The following FAM193A variants were observed in gnomAD, a reference collection of about 807,000 sequenced individuals.
FAM193A encodes the protein family with sequence similarity 193 member A.
FAM193A carries 22 observed loss-of-function variants against 126.5 expected under a neutral mutation model. The observed-to-expected ratio is 0.17, with a 90% CI of 0.12 to 0.25. The LOEUF (loss-of-function observed/expected upper bound fraction) is 0.25. Among genes scored for constraint, FAM193A ranks in the 10% least tolerant of loss-of-function variants. FAM193A has a pLI of 1.00. For missense variants in FAM193A, 1,675 were observed against 1,672.8 expected (o/e 1.00, Z -0.02); for synonymous variants, 761 against 646.8 (o/e 1.18, Z -2.68).
At chr4:2,587,182 AG>A (rs957605673) in intron 1 of FAM193A, among the ~76,000 whole-genome samples, 2 of 152,196 alleles carry the variant, frequency 1.3e-5, no homozygotes, top group African/African-American at 4.8e-5. Context: ...TGAGAGCCTC[AG>A]GTTTTTTCCA....
chr4:2,562,740 G>A (rs966372187), intron 1 of FAM193A, among the ~76,000 whole-genome samples: 1 of 146,858 alleles, frequency 6.8e-6, no homozygotes, highest in Non-Finnish European at 1.5e-5. Context: ...AGCGATTCTC[G>A]TGCCTCATCC....
intron 1 of FAM193A, among the ~76,000 whole-genome samples, chr4:2,554,224 A>G (rs764831618): frequency 3.9e-5 from 6 of 152,018 alleles, no homozygotes; most frequent in Non-Finnish European, 5.9e-5. Flanking sequence ...AGCTGGGATT[A>G]CAGGTGCCCA....
intron 20 of FAM193A, among the ~76,000 whole-genome samples, chr4:2,727,191 G>A (rs1179763117): frequency 6.6e-6 from 1 of 152,026 alleles, no homozygotes; most frequent in African/African-American, 2.4e-5. Context: ...CCCCGGAGGC[G>A]GAGGTTGCAA....
In FAM193A at chr4:2,692,011, A is replaced by G. The variant is rs142007299; in HGVS notation, c.2803+1041A>G. Among the ~76,000 whole-genome samples the G allele has an allele frequency of 4.4e-3, 675 of 152,266 alleles. 6 individuals are homozygous for G. Among genetic ancestry groups the G allele is most frequent in the African/African-American group, 0.016 (649 of 41,556 alleles). On this transcript the variant is annotated intron_variant, in intron 15 of 20. Transcript: ENST00000637812. ...TTCATGGAGGTTAACAAGGGATATC[A>G]GTTTGGGGAATGGAGTATTTCTACT...
At chr4:2,578,037 T>C (rs1351861790) in intron 1 of FAM193A, among the ~76,000 whole-genome samples, 1 of 152,200 alleles carries the variant, frequency 6.6e-6, no homozygotes. Context: ...CTTCAGATAC[T>C]AAATATTCTT....
At chr4:2,550,298 G>C (rs774592819) in intron 1 of FAM193A, among the ~76,000 whole-genome samples, 3 of 151,772 alleles carry the variant, frequency 2.0e-5, no homozygotes, top group Non-Finnish European at 4.4e-5. Context: ...TACCTGCCTT[G>C]GCCTCTCAAA....
chr4:2,650,383 CTG>C (rs1206553106), intron 7 of FAM193A, among the ~76,000 whole-genome samples: 1 of 152,176 alleles, frequency 6.6e-6, no homozygotes, highest in Non-Finnish European at 1.5e-5. Flanking sequence ...TCAGTAGACA[CTG>C]TGAAGGAAAG....
At chr4:2,564,042 A>C (rs1342516393) in intron 1 of FAM193A, among the ~76,000 whole-genome samples, 1 of 152,194 alleles carries the variant, frequency 6.6e-6, no homozygotes, top group Non-Finnish European at 1.5e-5. Context: ...ATAGGCAGGC[A>C]TTTAATACGG....
At chr4:2,552,997 G>A (rs760421584) in intron 1 of FAM193A, among the ~76,000 whole-genome samples, 5 of 151,292 alleles carry the variant, frequency 3.3e-5, no homozygotes, top group African/African-American at 7.3e-5. Flanking sequence ...ACAGGCGCCC[G>A]CCACCATGCT....
rs752944212 is a variant in FAM193A, at chr4:2,590,466, AAAAAAAAAACAAAAAAAAAC to A, written c.256-5588_256-5569del. Among the ~76,000 whole-genome samples the A allele has an allele frequency of 2.6e-3, 232 of 90,650 alleles. 13 individuals are homozygous for A. Among genetic ancestry groups the A allele is most frequent in the Middle Eastern group, 5.1e-3 (1 of 198 alleles). 59.5% of individuals were successfully genotyped at this position (90,650 alleles called of 152,430 possible). On this transcript the variant is annotated intron_variant, in intron 1 of 20. Transcript: ENST00000637812. ...GTGACAGAGCGAGACTCCATCTCAA[AAAAAAAAAACAAAAAAAAAC>A]AAAAAAAAACAAAAAAAAACAAAAA...
At chr4:2,628,851 CTCTTTTTT>C (rs1560496251) in intron 4 of FAM193A, among the ~76,000 whole-genome samples, 1 of 146,226 alleles carries the variant, frequency 6.8e-6, no homozygotes, top group Non-Finnish European at 1.5e-5. Context: ...TGCTGTCTCT[CTCTTTTTT>C]TTTTTTTTTT....
At chr4:2,701,117 T>C (rs1236031735) in intron 19 of FAM193A, among the ~76,000 whole-genome samples, 1 of 152,108 alleles carries the variant, frequency 6.6e-6, no homozygotes, top group Non-Finnish European at 1.5e-5. Flanking sequence ...TCATACATGA[T>C]ACCCCTTTAA....
At chr4:2,665,923 G>A (rs983773852) in intron 12 of FAM193A, among the ~76,000 whole-genome samples, 2 of 151,946 alleles carry the variant, frequency 1.3e-5, no homozygotes, top group African/African-American at 4.8e-5. Context: ...CTCGGCTCAC[G>A]GCAAGCTCTG....
chr4:2,627,053 G>A (rs551234350), intron 4 of FAM193A, among the ~76,000 whole-genome samples: 38 of 151,918 alleles, frequency 2.5e-4, no homozygotes, highest in Admixed American at 5.3e-4. Context: ...CCGTGTGGCT[G>A]TTTCTCATGA....
intron 19 of FAM193A, among the ~76,000 whole-genome samples, chr4:2,700,921 T>C (rs1240569912): frequency 6.6e-6 from 1 of 152,118 alleles, no homozygotes; most frequent in Non-Finnish European, 1.5e-5. Flanking sequence ...GCCAAGATCA[T>C]GCCGTTGCAC....
rs183426548 is a variant in FAM193A, at chr4:2,732,153, G to A, written c.*285G>A. 9 of 455,736 alleles carry A rather than the reference G, an allele frequency of 2.0e-5. No homozygotes were observed. The highest frequency in any genetic ancestry group is 1.8e-4 in the Admixed American group (5 of 28,266). 28.2% of individuals were successfully genotyped at this position (455,736 alleles called of 1,614,324 possible). ...CACCGCGGCCTCGGAGGCCTGGGCC[G>A]TGGCCAGATAGGAGTTTGCATCATC... is the stretch of plus-strand genomic sequence containing the variant. On this transcript the variant is annotated 3_prime_UTR_variant, in exon 21 of 21. Transcript: ENST00000637812.
intron 19 of FAM193A, among the ~76,000 whole-genome samples, chr4:2,704,749 A>C (rs1474940107): frequency 1.3e-5 from 2 of 152,114 alleles, no homozygotes; most frequent in Non-Finnish European, 2.9e-5. Flanking sequence ...TCCGTTAGCT[A>C]CAGTAAGCCC....
intron 2 of FAM193A, among the ~76,000 whole-genome samples, chr4:2,604,420 G>A (rs1040293232): frequency 6.6e-6 from 1 of 152,096 alleles, no homozygotes; most frequent in African/African-American, 2.4e-5. Flanking sequence ...CAATTTCTGA[G>A]TGTTATTTAA....
chr4:2,657,902 G>A, intron 8 of FAM193A, 22 bp downstream of exon 8: 2 of 1,511,226 alleles, frequency 1.3e-6, no homozygotes, highest in Non-Finnish European at 1.8e-6. Context: ...AATAAGAGAG[G>A]CAATTAAAGG....
Sources: allele counts gnomAD v4.1 joint callset (sites outside exome capture counted in the v4.1 genomes callset), GRCh38; gene constraint gnomAD v4.1.1; transcripts MANE v1.5; gene names NCBI Gene and HGNC (gene_info 2026-07-23, HGNC 2026-07-21).